The following CEP120 variants were observed in gnomAD, a reference collection of about 807,000 sequenced individuals.
CEP120 encodes centrosomal protein 120, also known as centrosomal protein of 120 kDa.
In CEP120, 113 loss-of-function variants were observed where a neutral mutation model predicts 126.5. The ratio of observed to expected loss-of-function variants is 0.89; its 90% CI spans 0.77 to 1.04. The LOEUF is 1.04. Among genes scored for constraint, CEP120 ranks in the 50% least tolerant of loss-of-function variants. The pLI is 0.00. For missense variants in CEP120, 1,230 were observed against 1,155.7 expected (o/e 1.06, Z -0.93); for synonymous variants, 400 against 394.3 (o/e 1.01, Z -0.17).
chr5:123,415,069 T>A (rs747365729), intron 3 of CEP120, among the ~76,000 whole-genome samples: 6 of 151,770 alleles, frequency 4.0e-5, no homozygotes, highest in Non-Finnish European at 7.4e-5. Context: ...TTCTGAGTTC[T>A]TTCTCTTGGG....
Position 123,372,739 on chromosome 5 carries a change from C to A in CEP120, c.2392G>T (p.Glu798Ter). The change falls in exon 17 of 20, where the codon GAA (glutamate) becomes TAA (stop). Residue 798 changes from glutamate (E) to a stop codon, truncating the protein, a stop_gained. Coordinates refer to ENST00000306467, the MANE Select transcript of CEP120 (RefSeq NM_001375405.1). LOFTEE classifies it high-confidence loss of function. The part of the protein sequence containing the change: ...NDAENKYKIL[E>*]KEFQQFKDQQ... ...TCCTTGAACTGTTGGAACTCTTTTT[C>A]CAAAATCTTATACTTATTTTCAGCA... 1 of 1,606,514 alleles carries A rather than the reference C, an allele frequency of 6.2e-7. No homozygotes were observed. Among genetic ancestry groups the A allele is most frequent in the Non-Finnish European group, 8.5e-7 (1 of 1,176,546 alleles).
intron 3 of CEP120, among the ~76,000 whole-genome samples, chr5:123,413,022 T>G (rs766845546): frequency 1.3e-5 from 2 of 152,100 alleles, no homozygotes; most frequent in Non-Finnish European, 2.9e-5. Context: ...ATCCCAACAC[T>G]TTGGAAGGCC....
In CEP120 at chr5:123,399,199, T is replaced by A. The variant is rs752307126; in HGVS notation, c.549A>T (p.Ala183=). ...TAATAAAGGAGTCAGTACAGTATTC[T>A]GCTGGTCCAATCTGATGGTAGCCTC... The part of the protein sequence containing the change: ...EEGGYHQIGP[A]EYCTDSFIMS... Residue 183 remains alanine (A), a synonymous_variant, in exon 5 of 20, where the codon GCA becomes GCT. Transcript: ENST00000306467. The A allele has an allele frequency of 6.2e-7, 1 of 1,614,100 alleles. No individual in the cohort carries two copies. Among genetic ancestry groups the A allele is most frequent in the Admixed American group, 1.7e-5 (1 of 60,030 alleles).
chr5:123,384,944 G>A lies in CEP120; in HGVS notation c.1763+7C>T, dbSNP rs375098616. On this transcript the variant is annotated splice_region_variant and intron_variant, in intron 11 of 19. Transcript: ENST00000306467. Reference sequence around the variant, plus strand: ...AAAGCAAATACCAATTCTGTGAAATGCATTACCCTTGTGCTGCTATAACAG... The same window carrying A: ...AAAGCAAATACCAATTCTGTGAAATACATTACCCTTGTGCTGCTATAACAG... The A allele has an allele frequency of 5.7e-6, 9 of 1,590,392 alleles. No homozygotes were observed. In the East Asian group the frequency reaches 1.1e-4, roughly 20 times the overall value.
At chr5:123,364,785 CTTA>C (rs1202523417) in intron 17 of CEP120, among the ~76,000 whole-genome samples, 191 bp from the exon 18 acceptor site, 2 of 151,464 alleles carry the variant, frequency 1.3e-5, no homozygotes, top group East Asian at 3.9e-4. Context: ...AAAATATAGT[CTTA>C]TTTTTATTGC....
intron 19 of CEP120, among the ~76,000 whole-genome samples, chr5:123,349,278 G>GTCTT (rs1769039779): frequency 6.6e-6 from 1 of 151,858 alleles, no homozygotes; most frequent in Non-Finnish European, 1.5e-5. Context: ...TTTAAGCTCT[G>GTCTT]TCTTTAATCT....
intron 1 of CEP120, among the ~76,000 whole-genome samples, chr5:123,420,906 T>C (rs1208559544): frequency 1.3e-5 from 2 of 152,244 alleles, no homozygotes; most frequent in Admixed American, 6.5e-5. Flanking sequence ...AGGCTGAGGA[T>C]GACTCCTTGG....
At chr5:123,383,287 C>T (rs1771784112) in intron 11 of CEP120, among the ~76,000 whole-genome samples, 1 of 152,064 alleles carries the variant, frequency 6.6e-6, no homozygotes, top group Admixed American at 6.6e-5. Flanking sequence ...CTGCTAAATA[C>T]ACGCATACAT....
At chr5:123,356,114 T>C (rs1769598005) in intron 18 of CEP120, among the ~76,000 whole-genome samples, 1 of 152,190 alleles carries the variant, frequency 6.6e-6, no homozygotes. Flanking sequence ...TTCTGAGGGC[T>C]CTGTTCTGTT....
intron 18 of CEP120, among the ~76,000 whole-genome samples, chr5:123,361,332 T>C (rs1445138464): frequency 6.6e-6 from 1 of 151,836 alleles, no homozygotes; most frequent in East Asian, 1.9e-4. Flanking sequence ...TGACTTCATT[T>C]ACATTTCTTA....
In CEP120 at chr5:123,345,736, A is replaced by G. The variant is rs914274298; in HGVS notation, c.*783T>C. The G allele has an allele frequency of 5.3e-5, 8 of 152,152 alleles. No homozygotes were observed. Among genetic ancestry groups the G allele is most frequent in the Non-Finnish European group, 7.4e-5 (5 of 68,026 alleles). 9.4% of individuals were successfully genotyped at this position (152,152 alleles called of 1,614,324 possible). On this transcript the variant is annotated 3_prime_UTR_variant, in exon 20 of 20. Coordinates refer to ENST00000306467, the MANE Select transcript of CEP120 (RefSeq NM_001375405.1). ...CTAATGTCTTTATGTGTCTGTTTCC[A>G]TGTTCTATTACAGAGGGTTTAAGCT... is the stretch of plus-strand genomic sequence containing the variant.
chr5:123,416,788 T>C (rs1418136048), intron 2 of CEP120, among the ~76,000 whole-genome samples: 2 of 152,140 alleles, frequency 1.3e-5, no homozygotes, highest in Non-Finnish European at 2.9e-5. Flanking sequence ...TCAGGACCTA[T>C]TTTATTTCTC....
intron 4 of CEP120, 87 bp downstream of exon 4, chr5:123,412,312 A>T: frequency 7.8e-7 from 1 of 1,287,084 alleles, no homozygotes; most frequent in Non-Finnish European, 1.1e-6. Context: ...CACCCTGCAT[A>T]TATGTCCCTA....
chr5:123,409,971 C>CAAAAAA (rs1353891467), intron 4 of CEP120, among the ~76,000 whole-genome samples: 1 of 67,592 alleles, frequency 1.5e-5, no homozygotes, highest in Non-Finnish European at 2.5e-5. Flanking sequence ...ACAAAACAAG[C>CAAAAAA]AAAAAAAAAA....
chr5:123,414,104 G>A (rs1264197001), intron 3 of CEP120, among the ~76,000 whole-genome samples: 1 of 152,164 alleles, frequency 6.6e-6, no homozygotes, highest in Admixed American at 6.5e-5. Flanking sequence ...TCAAGGACAA[G>A]GGGACAAAGA....
intron 1 of CEP120, among the ~76,000 whole-genome samples, chr5:123,419,017 A>G (rs1003972918): frequency 2.0e-5 from 3 of 152,204 alleles, no homozygotes; most frequent in Non-Finnish European, 4.4e-5. Flanking sequence ...ATGGAAAGCT[A>G]TAATTTATAA....
At chr5:123,384,192 ATTC>A (rs1771860987) in intron 11 of CEP120, among the ~76,000 whole-genome samples, 1 of 152,152 alleles carries the variant, frequency 6.6e-6, no homozygotes, top group African/African-American at 2.4e-5. Context: ...TTTAAGAAAG[ATTC>A]TTCAATAATA....
chr5:123,358,053 G>A (rs978279398), intron 18 of CEP120, among the ~76,000 whole-genome samples: 1 of 152,072 alleles, frequency 6.6e-6, no homozygotes, highest in Non-Finnish European at 1.5e-5. Flanking sequence ...AACTCTTACA[G>A]GTACTAACAC....
intron 5 of CEP120, among the ~76,000 whole-genome samples, chr5:123,398,876 AC>A (rs1405856528): frequency 6.6e-6 from 1 of 152,204 alleles, no homozygotes; most frequent in African/African-American, 2.4e-5. Flanking sequence ...GCCACACAGT[AC>A]AATGGAAAAC....
Sources: allele counts gnomAD v4.1 joint callset (sites outside exome capture counted in the v4.1 genomes callset), GRCh38; gene constraint gnomAD v4.1.1; transcripts MANE v1.5; gene names NCBI Gene and HGNC (gene_info 2026-07-23, HGNC 2026-07-21).